KIF7: variants seen among roughly 807,000 people sequenced by gnomAD.
KIF7 encodes the protein kinesin-like protein KIF7.
Under a neutral mutation model 135.7 loss-of-function variants are expected in KIF7, and 104 were observed. The ratio of observed to expected loss-of-function variants is 0.77; its 90% confidence interval spans 0.65 to 0.90. KIF7 has a LOEUF of 0.90. Among genes scored for constraint, KIF7 ranks in the 40% least tolerant of loss-of-function variants. The pLI, the probability that KIF7 is intolerant of heterozygous loss-of-function variation, is 0.00. For synonymous variants in KIF7, 883 were observed against 809.4 expected (o/e 1.09, Z -1.54); for missense variants, 2,005 against 1,839.1 (o/e 1.09, Z -1.65).
chr15:89,631,474 A>C (rs373473248), intron 15 of KIF7, 21 bp downstream of exon 15: 1 of 1,547,198 alleles, frequency 6.5e-7, no homozygotes, highest in Non-Finnish European at 8.7e-7. Context: ...CAAGGGGCTG[A>C]GCCATGGGGC....
rs771463286 is a variant in KIF7, at chr15:89,652,648, G to T, written c.283C>A (p.Gln95Lys). 6.5e-7 allele frequency: 1 copy of T among 1,548,700 alleles called. No individual in the cohort carries two copies. Among genetic ancestry groups the T allele is most frequent in the South Asian group, 1.2e-5 (1 of 83,860 alleles). The change falls in exon 2 of 19, where the codon CAG becomes AAG. Residue 95 changes from glutamine to lysine, a missense_variant. Transcript: ENST00000394412. Reference sequence around the variant, plus strand: ...GTGTATGTCTTCCCTGAGCCCGTCTGACCATAGGCAAAGACAGTGGCATTG... The same window carrying T: ...GTGTATGTCTTCCCTGAGCCCGTCTTACCATAGGCAAAGACAGTGGCATTG... ...GFNATVFAYG[Q>K]TGSGKTYTMG...
chr15:89,626,921 A>G (rs1963538785), downstream of KIF7: 1 of 1,604,014 alleles, frequency 6.2e-7, no homozygotes, highest in Non-Finnish European at 8.5e-7. Context: ...GTCCTCTGTG[A>G]CTCCTGCATG....
At chr15:89,631,358 C>T in intron 15 of KIF7, 137 bp downstream of exon 15, 1 of 771,998 alleles carries the variant, frequency 1.3e-6, no homozygotes, top group Non-Finnish European at 2.1e-6. Flanking sequence ...CAGCCCCCAC[C>T]TCCACCTAAC....
At chr15:89,662,083 G>C in the KIF7 span, among the ~76,000 whole-genome samples, 1 of 152,202 alleles carries the variant, frequency 6.6e-6, no homozygotes, top group East Asian at 1.9e-4. Context: ...TTTTGATTAA[G>C]TGTGAAGTAT....
chr15:89,619,834 A>T, intron 1 of KIF7: 1 of 1,611,680 alleles, frequency 6.2e-7, no homozygotes, highest in East Asian at 2.2e-5. Flanking sequence ...TTCCAGCAAG[A>T]TAAGTCAGGT....
the KIF7 span, among the ~76,000 whole-genome samples, chr15:89,662,412 G>A: frequency 3.3e-5 from 5 of 152,166 alleles, no homozygotes; most frequent in Admixed American, 6.6e-5. Flanking sequence ...CAAGACAATC[G>A]CTTAAGCCTG....
chr15:89,629,995 T>A, intron 16 of KIF7: 1 of 538,284 alleles, frequency 1.9e-6, no homozygotes, highest in South Asian at 2.1e-5. Context: ...TCTCCAGCCA[T>A]GGCCAAATGT....
upstream of KIF7, among the ~76,000 whole-genome samples, chr15:89,660,000 C>G (rs1964242411): frequency 6.6e-6 from 1 of 152,164 alleles, no homozygotes; most frequent in Non-Finnish European, 1.5e-5. Flanking sequence ...AGTTGGAGAC[C>G]AGCCTGGCCA....
chr15:89,636,273 A>T (rs1438930025), intron 11 of KIF7, among the ~76,000 whole-genome samples: 6 of 151,466 alleles, frequency 4.0e-5, no homozygotes, highest in East Asian at 3.9e-4. Context: ...GCATGAACTA[A>T]CGAGCAAAAT....
At chr15:89,652,570 A>G in intron 2 of KIF7, 33 bp downstream of exon 2, 2 of 1,455,400 alleles carry the variant, frequency 1.4e-6, no homozygotes, top group Non-Finnish European at 1.9e-6. Flanking sequence ...GGCTCCTTAA[A>G]GTGGGCACAG....
chr15:89,626,064 A>T (rs1330077472), downstream of KIF7: 1 of 1,613,544 alleles, frequency 6.2e-7, no homozygotes. Flanking sequence ...CCCCAGAGGT[A>T]ATGTTTGTTG....
intron 11 of KIF7, among the ~76,000 whole-genome samples, chr15:89,637,500 C>G (rs1963833998): frequency 6.6e-6 from 1 of 152,116 alleles, no homozygotes; most frequent in Non-Finnish European, 1.5e-5. Context: ...CACCACCGAT[C>G]CCACAGAAAT....
rs138993311 is a variant in KIF7, at chr15:89,628,537, C to T, written c.3914G>A (p.Arg1305Gln). 1.4e-4 allele frequency: 225 copies of T among 1,613,268 alleles called. No homozygotes were observed. The highest frequency in any genetic ancestry group is 7.3e-4 in the Admixed American group (44 of 60,026). ...QREAAEPLVG[R>Q]VLPVGEAGLP... is the part of the protein sequence containing the mutation. ...GCCTGCCTCACCCACAGGAAGCACC[C>T]GCCCCACCAGGGGCTCAGCCGCCTC... is the stretch of plus-strand genomic sequence containing the variant. Residue 1305 changes from arginine (R) to glutamine (Q), a missense_variant, in exon 19 of 19, where the codon CGG (arginine) becomes CAG (glutamine). Transcript: ENST00000394412.
At chr15:89,623,450 A>G (rs1264699907), downstream of KIF7, among the ~76,000 whole-genome samples, 3 of 152,224 alleles carry the variant, frequency 2.0e-5, no homozygotes, top group Non-Finnish European at 4.4e-5. Flanking sequence ...GTAGACAAGT[A>G]AAATCTGAGT....
chr15:89,631,253 C>T (rs949421636), intron 15 of KIF7, among the ~76,000 whole-genome samples: 4 of 152,222 alleles, frequency 2.6e-5, no homozygotes, highest in Admixed American at 6.5e-5. Context: ...GTCCAGGCTC[C>T]AGCCAGAAGA....
At chr15:89,626,910 G>A (rs567939114), downstream of KIF7, 22 of 1,593,576 alleles carry the variant, frequency 1.4e-5, no homozygotes, top group East Asian at 4.5e-5. Context: ...TTTTCAGTTC[G>A]GTCCTCTGTG....
rs186771941 is a variant in KIF7 at position 89,628,137 on chromosome 15, G to A, written c.*282C>T. On this transcript the variant is annotated 3_prime_UTR_variant, in exon 19 of 19. Coordinates refer to ENST00000394412, the MANE Select transcript of KIF7 (RefSeq NM_198525.3). ...CTGAACTACAAGCACATCCATTTAC[G>A]CCTGAAACCAGAATTGTCCTGAGAT... The A allele has an allele frequency of 4.0e-4, 155 of 385,350 alleles. No individual in the cohort carries two copies. The highest frequency in any genetic ancestry group is 3.0e-3 in the African/African-American group (148 of 49,132). The allele number at this position is 385,350 out of a possible 1,614,324, so 23.9% of individuals were successfully genotyped here.
At chr15:89,654,943 G>C (rs557497030) in intron 1 of KIF7, among the ~76,000 whole-genome samples, 2 of 152,240 alleles carry the variant, frequency 1.3e-5, no homozygotes, top group African/African-American at 2.4e-5. Flanking sequence ...CCGCGTGAGC[G>C]TTCCGAGCCC....
At chr15:89,624,442 C>A (rs551579638), downstream of KIF7, 13 of 1,614,194 alleles carry the variant, frequency 8.1e-6, 1 homozygote, top group South Asian at 5.5e-5. Context: ...TCCTCCACCC[C>A]CTTCTAAAGT....
Sources: allele counts gnomAD v4.1 joint callset (sites outside exome capture counted in the v4.1 genomes callset), GRCh38; gene constraint gnomAD v4.1.1; transcripts MANE v1.5; gene names NCBI Gene and HGNC (gene_info 2026-07-23, HGNC 2026-07-21).